CSMD3: variants seen among roughly 807,000 people sequenced by gnomAD.
The protein encoded by CSMD3 is CUB and Sushi multiple domains 3.
Under a neutral mutation model 435.2 loss-of-function variants are expected in CSMD3, and 177 were observed. That is an observed-to-expected ratio of 0.41 (90% CI 0.36 to 0.46). The LOEUF (loss-of-function observed/expected upper bound fraction) is 0.46, where lower values mean the gene tolerates loss of function less well. Ranked by LOEUF, CSMD3 falls within the 20% of genes least tolerant of loss-of-function variation. The pLI is 0.34. For missense variants in CSMD3, 4,265 were observed against 4,504.6 expected, an observed-to-expected ratio of 0.95 and a Z score of 1.52; for synonymous variants, 1,656 against 1,520.5, an observed-to-expected ratio of 1.09 and a Z score of -2.07.
At chr8:112,644,892 A>G (rs2074936251) in intron 20 of CSMD3, among the ~76,000 whole-genome samples, 1 of 152,178 alleles carries the variant, frequency 6.6e-6, no homozygotes, top group Non-Finnish European at 1.5e-5. Context: ...CAAATCTCTC[A>G]TAGCAACAGC....
intron 3 of CSMD3, among the ~76,000 whole-genome samples, chr8:113,207,757 A>G (rs1202495139): frequency 6.6e-6 from 1 of 152,186 alleles, no homozygotes; most frequent in Non-Finnish European, 1.5e-5. Context: ...AGAAAGATAT[A>G]TACTTGATAT....
Position 113,314,630 on chromosome 8 carries a change from T to G in CSMD3, c.342A>C (p.Glu114Asp). Residue 114 changes from glutamate (E) to aspartate (D), a missense_variant, in exon 2 of 71, where the codon GAA becomes GAC. Coordinates refer to ENST00000297405, the MANE Select transcript of CSMD3 (RefSeq NM_198123.2). The stretch of plus-strand genomic sequence containing the variant: ...CATATAATGATAAGTAGTCGTATTC[T>G]TCTTCTAGAGCAAATGACTGAAAAA... ...QIVFQSFALE[E>D]EYDYLSLYDG... 2 of 1,611,244 alleles carry G rather than the reference T, an allele frequency of 1.2e-6. No individual in the cohort carries two copies. Among genetic ancestry groups the G allele is most frequent in the Non-Finnish European group, 1.7e-6 (2 of 1,177,588 alleles).
intron 11 of CSMD3, among the ~76,000 whole-genome samples, chr8:112,839,351 T>C (rs1012972417): frequency 6.6e-6 from 1 of 151,772 alleles, no homozygotes; most frequent in African/African-American, 2.4e-5. Flanking sequence ...TACAAATGTT[T>C]CACTGAAGGG....
At chr8:112,957,451 T>TTTTG (rs562305207) in intron 7 of CSMD3, among the ~76,000 whole-genome samples, 47 of 152,282 alleles carry the variant, frequency 3.1e-4, no homozygotes, top group East Asian at 1.4e-3. Context: ...CATGTCATAT[T>TTTTG]TTTGTTTGTT....
At chr8:113,199,723 G>T (rs936633129) in intron 3 of CSMD3, among the ~76,000 whole-genome samples, 8 of 151,606 alleles carry the variant, frequency 5.3e-5, no homozygotes, top group African/African-American at 1.7e-4. Context: ...TTTATGTGAG[G>T]TGAATGATTT....
chr8:112,948,811 T>A (rs761226277), intron 8 of CSMD3, among the ~76,000 whole-genome samples: 1 of 151,992 alleles, frequency 6.6e-6, no homozygotes, highest in Non-Finnish European at 1.5e-5. Flanking sequence ...AAAACACAGG[T>A]AGATCTTTCT....
At chr8:112,251,076 T>C (rs1815214463) in intron 63 of CSMD3, among the ~76,000 whole-genome samples, 1 of 151,794 alleles carries the variant, frequency 6.6e-6, no homozygotes, top group African/African-American at 2.4e-5. Flanking sequence ...CTTGGCATGC[T>C]AGAATTTTCA....
rs191890424 is a variant in CSMD3 at position 113,346,694 on chromosome 8, T to C, written c.179-31901A>G. 7.1e-4 allele frequency among the ~76,000 whole-genome samples: 106 copies of C among 149,862 alleles called. 1 individual carries two copies. The highest frequency in any genetic ancestry group is 2.5e-3 in the African/African-American group (102 of 41,318). ...TCCTATCTCCAGTCAAGTATTAAAC[T>C]AAGAAAATATCTGAGAGAAATACAC... On this transcript the variant is annotated intron_variant, in intron 1 of 70. Transcript: ENST00000297405.
At chr8:112,603,658 T>G (rs1832558389) in intron 22 of CSMD3, among the ~76,000 whole-genome samples, 1 of 152,228 alleles carries the variant, frequency 6.6e-6, no homozygotes, top group Admixed American at 6.5e-5. Context: ...AATGATAAAA[T>G]AGACTGATGT....
At chr8:113,039,340 C>T (rs1330838304) in intron 5 of CSMD3, among the ~76,000 whole-genome samples, 1 of 152,070 alleles carries the variant, frequency 6.6e-6, no homozygotes, top group East Asian at 1.9e-4. Flanking sequence ...AACCTACTTT[C>T]AGATAAACAA....
intron 1 of CSMD3, among the ~76,000 whole-genome samples, chr8:113,384,243 A>G (rs2094430095): frequency 6.6e-6 from 1 of 152,170 alleles, no homozygotes; most frequent in Non-Finnish European, 1.5e-5. Flanking sequence ...TTATCTTAAC[A>G]CTTAGAAACC....
chr8:112,661,969 G>C (rs1378411130), intron 17 of CSMD3, among the ~76,000 whole-genome samples: 1 of 152,036 alleles, frequency 6.6e-6, no homozygotes, highest in Non-Finnish European at 1.5e-5. Flanking sequence ...CAGGAGCACA[G>C]GGAATGGGGA....
chr8:112,314,160 AC>A, intron 48 of CSMD3, 108 bp from the exon 49 acceptor site: 1 of 829,834 alleles, frequency 1.2e-6, no homozygotes, highest in Non-Finnish European at 2.0e-6. Flanking sequence ...TTGCTTCACC[AC>A]CAATCTACCT....
Position 112,656,180 on chromosome 8 carries a change from T to G in CSMD3, c.2978A>C (p.Asn993Thr). Reference protein sequence around the residue: ...LLFTTDNSRSNNGFKIHYESV... With the variant: ...LLFTTDNSRSTNGFKIHYESV... The stretch of plus-strand genomic sequence containing the variant: ...TTCATAATGAATCTTGAAACCATTA[T>G]TGGAACGACTGTTGTCTGTTGTAAA... The change falls in exon 18 of 71, where the codon AAT becomes ACT. Residue 993 changes from asparagine (N) to threonine (T), a missense_variant. By Grantham distance (65) the Asn-to-Thr change is moderately conservative (BLOSUM62 0). Around this residue, in one of 3 missense-constraint regions of CSMD3, gnomAD observed 3,255 missense variants for 3,380.2 expected, o/e 0.96. Coordinates refer to ENST00000297405, the MANE Select transcript of CSMD3 (RefSeq NM_198123.2). The G allele has an allele frequency of 3.8e-6, 6 of 1,574,502 alleles. No homozygotes were observed. Among genetic ancestry groups the G allele is most frequent in the Non-Finnish European group, 5.2e-6 (6 of 1,144,532 alleles).
intron 1 of CSMD3, among the ~76,000 whole-genome samples, chr8:113,409,218 G>T (rs1463435089): frequency 6.6e-6 from 1 of 151,558 alleles, no homozygotes; most frequent in Non-Finnish European, 1.5e-5. Flanking sequence ...GAGTAGCTGG[G>T]ATTACAGGTG....
chr8:112,398,205 T>C (rs916823005), intron 35 of CSMD3, among the ~76,000 whole-genome samples: 2 of 152,210 alleles, frequency 1.3e-5, no homozygotes, highest in Admixed American at 6.5e-5. Context: ...ACTGGGCCTA[T>C]GGTCTCACCT....
intron 5 of CSMD3, among the ~76,000 whole-genome samples, chr8:113,070,614 C>T (rs541067718): frequency 1.3e-5 from 2 of 151,778 alleles, no homozygotes; most frequent in South Asian, 4.2e-4. Flanking sequence ...CAATTTTTTC[C>T]ACCTCTGAAC....
chr8:113,292,961 A>G (rs2093696388), intron 2 of CSMD3, among the ~76,000 whole-genome samples: 1 of 151,868 alleles, frequency 6.6e-6, no homozygotes, highest in Non-Finnish European at 1.5e-5. Flanking sequence ...CCAACCAAAC[A>G]AACTGTTCCA....
chr8:112,260,911 ATATATC>A (rs1816325283), intron 61 of CSMD3, among the ~76,000 whole-genome samples: 1 of 152,154 alleles, frequency 6.6e-6, no homozygotes, highest in South Asian at 2.1e-4. Context: ...CCACTACTCA[ATATATC>A]TATGGAATAA....
Sources: allele counts gnomAD v4.1 joint callset (sites outside exome capture counted in the v4.1 genomes callset), GRCh38; gene constraint gnomAD v4.1.1; regional missense constraint gnomAD v4.1.1; transcripts MANE v1.5; gene names NCBI Gene and HGNC (gene_info 2026-07-23, HGNC 2026-07-21).